The following ACKR2 variants were observed in gnomAD, a reference collection of about 807,000 sequenced individuals.
The protein encoded by ACKR2 is C-C chemokine receptor D6.
For synonymous variants in ACKR2, 207 were observed against 192.2 expected (o/e 1.08, Z -0.64); for missense variants, 457 against 477.3 (o/e 0.96, Z 0.40).
At chr3:42,810,505 A>G (rs2125600087) in intron 1 of ACKR2, among the ~76,000 whole-genome samples, 1 of 152,106 alleles carries the variant, frequency 6.6e-6, no homozygotes, top group South Asian at 2.1e-4. Context: ...ATACCAACTT[A>G]CATTCCTTTC....
intron 2 of ACKR2, among the ~76,000 whole-genome samples, chr3:42,831,167 C>CA (rs1700928643): frequency 6.6e-6 from 1 of 151,994 alleles, no homozygotes; most frequent in African/African-American, 2.4e-5. Context: ...GGTTGAAAAA[C>CA]AAAAAATAAA....
intron 2 of ACKR2, among the ~76,000 whole-genome samples, chr3:42,822,503 C>G (rs1700817902): frequency 6.6e-6 from 1 of 152,060 alleles, no homozygotes; most frequent in Non-Finnish European, 1.5e-5. Context: ...TCTGTGTAGC[C>G]TCAACTTCCC....
chr3:42,852,869 A>G lies in ACKR2; in HGVS notation c.-37-11597A>G, dbSNP rs951507976. Among the ~76,000 whole-genome samples, 3 of 152,162 alleles carry G rather than the reference A, an allele frequency of 2.0e-5. No individual in the cohort carries two copies. The highest frequency in any genetic ancestry group is 2.0e-4 in the Admixed American group (3 of 15,276). On this transcript the variant is annotated intron_variant, in intron 2 of 2. Transcript: ENST00000422265. This position sits in a 1 kb window ranked among gnomAD's most constrained non-coding sequence, Gnocchi z 4.3. ...ATTATGGCAATCAGGAAAAAATAACATGTTAAAAAAGTAAGGAGAGAGAGT... is the reference window on the plus strand; with the variant it reads ...ATTATGGCAATCAGGAAAAAATAACGTGTTAAAAAAGTAAGGAGAGAGAGT...
Position 42,864,808 on chromosome 3 carries a change from G to A in ACKR2, c.306G>A (p.Trp102Ter), listed in dbSNP as rs2088416642. 1.1e-5 allele frequency: 17 copies of A among 1,614,146 alleles called. No individual in the cohort carries two copies. Among genetic ancestry groups the A allele is most frequent in the Non-Finnish European group, 1.4e-5 (17 of 1,180,018 alleles). ...NLLFLVTLPF[W>*]GISVAWHWVF... is the part of the protein sequence containing the mutation. ...TGTTTCTGGTGACACTGCCCTTCTG[G>A]GGCATCTCCGTGGCCTGGCATTGGG... Residue 102 changes from tryptophan (W) to a stop codon, truncating the protein, a stop_gained, in exon 3 of 3, where the codon TGG (tryptophan) becomes TGA (stop). Transcript: ENST00000422265. LOFTEE classifies it low-confidence loss of function (END_TRUNC).
chr3:42,828,092 A>AT (rs71072742), intron 2 of ACKR2, among the ~76,000 whole-genome samples: 6,491 of 121,840 alleles, frequency 0.053, 229 homozygotes, highest in Non-Finnish European at 0.068. Context: ...ATATATATAT[A>AT]TTTTTTTTTT....
intron 2 of ACKR2, among the ~76,000 whole-genome samples, chr3:42,825,215 A>G (rs1434566385): frequency 6.6e-6 from 1 of 152,144 alleles, no homozygotes; most frequent in Non-Finnish European, 1.5e-5. Flanking sequence ...TGCGAATTTT[A>G]TAATAAGCAT....
chr3:42,856,488 A>C (rs2125622191), intron 2 of ACKR2: 1 of 694,352 alleles, frequency 1.4e-6, no homozygotes, highest in Admixed American at 2.1e-5. Flanking sequence ...AAAGGGGATA[A>C]AACTTTTATC....
At chr3:42,822,341 AC>A (rs1430646759) in intron 2 of ACKR2, among the ~76,000 whole-genome samples, 1 of 152,120 alleles carries the variant, frequency 6.6e-6, no homozygotes, top group Admixed American at 6.5e-5. Context: ...AATTTTTAAA[AC>A]CTTTCACATC....
rs1283719292 is a variant in ACKR2 at position 42,864,667 on chromosome 3, G to A, written c.165G>A (p.Leu55=). The A allele has an allele frequency of 3.1e-6, 5 of 1,614,232 alleles. No individual in the cohort carries two copies. The highest frequency in any genetic ancestry group is 4.2e-6 in the Non-Finnish European group (5 of 1,180,040). The part of the protein sequence containing the change: ...GKVFLPVFYS[L]IFVLGLSGNL... ...TCTTCCTCCCAGTCTTCTATAGCCT[G>A]ATTTTTGTGTTGGGCCTCAGCGGGA... Residue 55 remains leucine (L), a synonymous_variant, in exon 3 of 3, where the codon CTG becomes CTA. Transcript: ENST00000422265.
At chr3:42,859,722 A>C in intron 2 of ACKR2, among the ~76,000 whole-genome samples, 1 of 152,094 alleles carries the variant, frequency 6.6e-6, no homozygotes, top group East Asian at 1.9e-4. Context: ...CCAGAATTTC[A>C]TATCCAGCCA....
At chr3:42,854,031 G>A (rs536390548) in intron 2 of ACKR2, among the ~76,000 whole-genome samples, 1 of 152,272 alleles carries the variant, frequency 6.6e-6, no homozygotes, top group East Asian at 1.9e-4. Context: ...ACATGACCCT[G>A]TCCATAGGCT....
At chr3:42,833,849 A>G (rs1700957545) in intron 2 of ACKR2, among the ~76,000 whole-genome samples, 1 of 152,002 alleles carries the variant, frequency 6.6e-6, no homozygotes, top group African/African-American at 2.4e-5. Flanking sequence ...CAGATTTTCA[A>G]CCCTGTGTTG....
intron 2 of ACKR2, among the ~76,000 whole-genome samples, chr3:42,825,060 G>A (rs927105081): frequency 3.3e-5 from 5 of 152,060 alleles, no homozygotes; most frequent in African/African-American, 4.8e-5. Context: ...AGTTCTATTC[G>A]ATTGATCTAT....
rs1029084233 is a variant in ACKR2, at chr3:42,866,940, C to T, written c.*1283C>T. On this transcript the variant is annotated 3_prime_UTR_variant, in exon 3 of 3. Transcript: ENST00000422265. Reference sequence around the variant, plus strand: ...CCAGGCTGAAGTCCAATCCCACAATCATGGCTCACTGCAGCCACCACCTCC... The same window carrying T: ...CCAGGCTGAAGTCCAATCCCACAATTATGGCTCACTGCAGCCACCACCTCC... 1.8e-5 allele frequency: 3 copies of T among 164,872 alleles called. No individual in the cohort carries two copies. The highest frequency in any genetic ancestry group is 4.4e-5 in the Non-Finnish European group (3 of 68,032). The allele number at this position is 164,872 out of a possible 1,614,324, so 10.2% of individuals were successfully genotyped here.
intron 1 of ACKR2, among the ~76,000 whole-genome samples, chr3:42,815,603 G>A (rs535077504): frequency 5.5e-4 from 83 of 152,292 alleles, no homozygotes; most frequent in African/African-American, 1.9e-3. Context: ...AAAGGTAGGA[G>A]CTTTTAAGTA....
At chr3:42,825,208 G>A (rs1559685270) in intron 2 of ACKR2, among the ~76,000 whole-genome samples, 1 of 152,050 alleles carries the variant, frequency 6.6e-6, no homozygotes. Flanking sequence ...ATTTCCATGC[G>A]AATTTTATAA....
intron 2 of ACKR2, chr3:42,834,667 T>G (rs575088362): frequency 6.6e-6 from 1 of 151,054 alleles, no homozygotes; most frequent in South Asian, 2.1e-4. Flanking sequence ...AACCTCCACC[T>G]CTCGGGTTCA....
Position 42,865,114 on chromosome 3 carries a change from C to T in ACKR2, c.612C>T (p.Thr204=), listed in dbSNP as rs1354148484. Residue 204 remains threonine (T), a synonymous_variant, in exon 3 of 3, where the codon ACC becomes ACT. Transcript: ENST00000422265. ...ACGCAGATTTCGGCGGGCATGGGACCATTTGGAAGCTCTTCCTCCGCTTCC... is the reference window on the plus strand; with the variant it reads ...ACGCAGATTTCGGCGGGCATGGGACTATTTGGAAGCTCTTCCTCCGCTTCC... ...NCHADFGGHG[T]IWKLFLRFQQ... 6.2e-7 allele frequency: 1 copy of T among 1,613,972 alleles called. No homozygotes were observed. Among genetic ancestry groups the T allele is most frequent in the Admixed American group, 1.7e-5 (1 of 60,002 alleles).
At chr3:42,827,976 C>A (rs1398914599) in intron 2 of ACKR2, among the ~76,000 whole-genome samples, 1 of 151,264 alleles carries the variant, frequency 6.6e-6, no homozygotes, top group African/African-American at 2.4e-5. Context: ...ATAAAATAAA[C>A]CATAAGCCTG....
Sources: allele counts gnomAD v4.1 joint callset (sites outside exome capture counted in the v4.1 genomes callset), GRCh38; gene constraint gnomAD v4.1.1; non-coding constraint Gnocchi (gnomAD v3.1); transcripts MANE v1.5; gene names NCBI Gene and HGNC (gene_info 2026-07-23, HGNC 2026-07-21).